Variants in USP47 observed in about 807,000 individuals in gnomAD.
The protein encoded by USP47 is ubiquitin specific peptidase 47, also known as ubiquitin carboxyl-terminal hydrolase 47.
Under a neutral mutation model 165.1 loss-of-function variants are expected in USP47, and 35 were observed. The ratio of observed to expected loss-of-function variants is 0.21; its 90% CI spans 0.16 to 0.28. The LOEUF (loss-of-function observed/expected upper bound fraction) is 0.28, where lower values mean the gene tolerates loss of function less well. USP47 is among the 10% of genes least tolerant of loss of function. The pLI is 1.00. For missense variants in USP47, 1,277 were observed against 1,607.4 expected (o/e 0.79, Z 3.52); for synonymous variants, 531 against 544.5 (o/e 0.98, Z 0.35).
At chr11:11,908,617 A>G (rs1053938523) in intron 8 of USP47, among the ~76,000 whole-genome samples, 5 of 152,164 alleles carry the variant, frequency 3.3e-5, no homozygotes, top group African/African-American at 9.6e-5. Flanking sequence ...TTTTAGTATG[A>G]TAACAGGTTA....
chr11:11,927,837 G>A (rs1366912460), intron 11 of USP47, among the ~76,000 whole-genome samples: 1 of 152,080 alleles, frequency 6.6e-6, no homozygotes, highest in African/African-American at 2.4e-5. Context: ...GCTACATTTG[G>A]ATGAAGGCAC....
chr11:11,909,498 A>G (rs913513527), intron 8 of USP47, among the ~76,000 whole-genome samples: 4 of 152,154 alleles, frequency 2.6e-5, no homozygotes, highest in Non-Finnish European at 5.9e-5. Flanking sequence ...AAGAAAAACA[A>G]TGTAGCCTCA....
chr11:11,882,133 A>G (rs1850873382), intron 2 of USP47, among the ~76,000 whole-genome samples: 2 of 152,180 alleles, frequency 1.3e-5, no homozygotes, highest in African/African-American at 4.8e-5. Flanking sequence ...TAGTTCAGTA[A>G]CCATCAATCA....
intron 15 of USP47, 38 bp downstream of exon 15, chr11:11,933,154 A>G (rs377362988): frequency 1.6e-5 from 25 of 1,552,516 alleles, no homozygotes; most frequent in African/African-American, 1.5e-4. Flanking sequence ...TGAAAGTGCT[A>G]TTTTTAAGCT....
chr11:11,917,739 C>G (rs957328329), intron 8 of USP47, among the ~76,000 whole-genome samples: 11 of 151,958 alleles, frequency 7.2e-5, no homozygotes, highest in Non-Finnish European at 1.3e-4. Flanking sequence ...TTGCTAAATA[C>G]CAAAAGAAAA....
In USP47 at chr11:11,958,850, TTCACA is replaced by T. The variant is rs1847332277; in HGVS notation, c.*2676_*2680del. On this transcript the variant is annotated 3_prime_UTR_variant, in exon 28 of 28. Transcript: ENST00000527733. ...GATAAGAACAGTGTGTGAAGCAGCC[TTCACA>T]CTAGAGTGTTTGGTCATCTCTTATA... The T allele has an allele frequency of 6.6e-6, 1 of 152,094 alleles. No homozygotes were observed. The highest frequency in any genetic ancestry group is 1.5e-5 in the Non-Finnish European group (1 of 68,000). 9.4% of individuals were successfully genotyped at this position (152,094 alleles called of 1,614,324 possible). A position where few individuals can be genotyped will look rare whatever the true frequency, so the allele number is the denominator to read the frequency against.
intron 20 of USP47, among the ~76,000 whole-genome samples, chr11:11,944,537 A>G (rs1053717485): frequency 5.9e-5 from 9 of 152,116 alleles, no homozygotes; most frequent in Non-Finnish European, 1.2e-4. Flanking sequence ...TCATTAGCTT[A>G]CATTGTTTCA....
rs759914829 is a variant in USP47, at chr11:11,933,899, T to A, written c.1833T>A (p.Asp611Glu). The A allele has an allele frequency of 9.3e-6, 15 of 1,609,764 alleles. No homozygotes were observed. Among genetic ancestry groups the A allele is most frequent in the Non-Finnish European group, 1.2e-5 (14 of 1,177,302 alleles). Reference sequence around the variant, plus strand: ...AAAATAAATTGGAGGTTCATAAGGATAAGACATTAAAGGAAGCAGTAGAAA... The same window carrying A: ...AAAATAAATTGGAGGTTCATAAGGAAAAGACATTAAAGGAAGCAGTAGAAA... ...MMENKLEVHK[D>E]KTLKEAVEMA... The change falls in exon 16 of 28, where the codon GAT becomes GAA. Residue 611 changes from aspartate (D) to glutamate (E), a missense_variant. Coordinates refer to ENST00000527733, the MANE Select transcript of USP47 (RefSeq NM_001282659.2).
intron 1 of USP47, among the ~76,000 whole-genome samples, chr11:11,857,571 G>A (rs1849121643): frequency 6.6e-6 from 1 of 152,168 alleles, no homozygotes; most frequent in Non-Finnish European, 1.5e-5. Flanking sequence ...ACACTGGAAG[G>A]GAGGCAGTAG....
chr11:11,928,771 C>G (rs1052991053), intron 11 of USP47, among the ~76,000 whole-genome samples: 1 of 151,870 alleles, frequency 6.6e-6, no homozygotes, highest in Non-Finnish European at 1.5e-5. Context: ...TATAAATGAC[C>G]TCTTTTTTTT....
intron 11 of USP47, among the ~76,000 whole-genome samples, chr11:11,928,049 G>A: frequency 6.6e-6 from 1 of 151,940 alleles, no homozygotes; most frequent in Non-Finnish European, 1.5e-5. Flanking sequence ...AATTTTCCAG[G>A]AAGATAATTA....
intron 11 of USP47, among the ~76,000 whole-genome samples, chr11:11,926,026 A>G (rs1261674505): frequency 2.6e-5 from 4 of 152,102 alleles, no homozygotes; most frequent in African/African-American, 9.7e-5. Flanking sequence ...CTGTTAATGT[A>G]GTGTATTACA....
chr11:11,949,940 C>G lies in USP47; in HGVS notation c.3400C>G (p.Gln1134Glu), dbSNP rs998419964. ...GTTTGCTAAAGGAATGACTGTACGG[C>G]AATCAAAAGAGGAATTAATTCCTCA... ...AVFAKGMTVR[Q>E]SKEELIPQLR... The change falls in exon 23 of 28, where the codon CAA becomes GAA. Residue 1134 changes from glutamine to glutamate, a missense_variant. Gln to Glu is a conservative substitution (Grantham distance 29). Transcript: ENST00000527733. The G allele has an allele frequency of 3.1e-5, 50 of 1,612,790 alleles. No individual in the cohort carries two copies. The highest frequency in any genetic ancestry group is 3.8e-5 in the Non-Finnish European group (45 of 1,179,326).
intron 8 of USP47, among the ~76,000 whole-genome samples, chr11:11,913,179 G>T (rs1200850821): frequency 8.0e-6 from 1 of 125,408 alleles, no homozygotes; most frequent in Non-Finnish European, 1.6e-5. Flanking sequence ...AAGAGGAAAT[G>T]AAAAGCACTA....
chr11:11,900,543 GT>G (rs1255054219), intron 5 of USP47, among the ~76,000 whole-genome samples: 2 of 152,140 alleles, frequency 1.3e-5, no homozygotes, highest in Non-Finnish European at 2.9e-5. Context: ...TAAATACATT[GT>G]TTTAGGAAAG....
chr11:11,947,535 C>A (rs894723994), intron 20 of USP47, among the ~76,000 whole-genome samples: 2 of 152,190 alleles, frequency 1.3e-5, no homozygotes, highest in Non-Finnish European at 2.9e-5. Flanking sequence ...TTATCATCTC[C>A]ATTTTTCTAG....
rs146557971 is a variant in USP47 at position 11,928,252 on chromosome 11, C to A, written c.1387-1182C>A. Among the ~76,000 whole-genome samples, 660 of 151,946 alleles carry A rather than the reference C, an allele frequency of 4.3e-3. 9 individuals carry two copies. Among genetic ancestry groups the A allele is most frequent in the African/African-American group, 0.015 (612 of 41,476 alleles). ...TTTTAATTTAATAACATGGGGTTAC[C>A]ACATTTCATAAGTTGTTCAATGCTT... On this transcript the variant is annotated intron_variant, in intron 11 of 27. Transcript: ENST00000527733.
intron 4 of USP47, among the ~76,000 whole-genome samples, chr11:11,892,323 G>A (rs569669428): frequency 2.0e-5 from 3 of 150,128 alleles, no homozygotes; most frequent in South Asian, 2.1e-4. Context: ...TAATAATAAC[G>A]TAAACATTAT....
In USP47 at chr11:11,938,127, GTGT is replaced by G. The variant is rs1445587015; in HGVS notation, c.2078-125_2078-123del. 6.0e-6 allele frequency: 4 copies of G among 668,770 alleles called. No individual in the cohort carries two copies. In the Admixed American group the frequency reaches 1.1e-4, roughly 19 times the overall value. The allele number at this position is 668,770 out of a possible 1,614,324, so 41.4% of individuals were successfully genotyped here. On this transcript the variant is annotated intron_variant, in intron 17 of 27. Coordinates refer to ENST00000527733, the MANE Select transcript of USP47 (RefSeq NM_001282659.2). ...GTAACTGGTGATTTATATTTATTCA[GTGT>G]TGTTTTCATCTGTACTTGGAAGTTT...
Sources: gnomAD v4.1 joint callset for allele counts (sites outside exome capture counted in the v4.1 genomes callset) on GRCh38, gnomAD v4.1.1 for gene constraint, MANE v1.5 for transcripts, NCBI Gene and HGNC (gene_info 2026-07-23, HGNC 2026-07-21) for gene names.